The following NRXN1 variants were observed in gnomAD, a reference collection of about 807,000 sequenced individuals.
NRXN1 encodes the protein neurexin-1.
A neutral mutation model predicts 150.9 loss-of-function variants in NRXN1; 39 were observed. That is an observed-to-expected ratio of 0.26 (90% confidence interval 0.20 to 0.34). The LOEUF is 0.34. NRXN1 is among the 10% of genes least tolerant of loss of function. The pLI, the probability that NRXN1 is intolerant of heterozygous loss-of-function variation, is 1.00. For missense variants in NRXN1, 1,815 were observed against 1,949.9 expected (o/e 0.93, Z 1.30); for synonymous variants, 924 against 757.0 (o/e 1.22, Z -3.62).
chr2:50,175,016 CT>C (rs1408259817), intron 18 of NRXN1: 1 of 152,136 alleles, frequency 6.6e-6, no homozygotes, highest in African/African-American at 2.4e-5. Flanking sequence ...AGATTATTGC[CT>C]TCAAATTATA....
chr2:50,322,587 A>G (rs2076121503), intron 17 of NRXN1, among the ~76,000 whole-genome samples: 2 of 152,202 alleles, frequency 1.3e-5, no homozygotes, highest in Admixed American at 1.3e-4. Context: ...TTGGCTAACT[A>G]ATGAGGATGA....
At chr2:50,577,332 A>G (rs542038320) in intron 8 of NRXN1, among the ~76,000 whole-genome samples, 1 of 152,198 alleles carries the variant, frequency 6.6e-6, no homozygotes, top group South Asian at 2.1e-4. Flanking sequence ...CAACTGTAAT[A>G]GATAAATGTT....
intron 17 of NRXN1, among the ~76,000 whole-genome samples, chr2:50,362,695 T>C (rs190115329): frequency 1.1e-4 from 16 of 152,306 alleles, no homozygotes; most frequent in African/African-American, 3.4e-4. Flanking sequence ...TTTAATGTTT[T>C]TCCCATCAAG....
intron 17 of NRXN1, among the ~76,000 whole-genome samples, chr2:50,319,043 A>T (rs755997140): frequency 2.0e-5 from 3 of 152,144 alleles, no homozygotes; most frequent in Non-Finnish European, 4.4e-5. Flanking sequence ...TTTTCTTTTA[A>T]ACTAAATGTT....
chr2:50,554,883 G>C (rs990095760), intron 8 of NRXN1, among the ~76,000 whole-genome samples: 24 of 152,024 alleles, frequency 1.6e-4, no homozygotes, highest in Admixed American at 1.5e-3. Context: ...GGTTTAACAA[G>C]CATCTATTGA....
At chr2:50,435,377 A>G (rs971111516) in intron 17 of NRXN1, among the ~76,000 whole-genome samples, 1 of 152,236 alleles carries the variant, frequency 6.6e-6, no homozygotes, top group African/African-American at 2.4e-5. Flanking sequence ...AGAAACTTTG[A>G]AAGATGACAT....
chr2:49,987,528 G>T (rs1681136991), intron 21 of NRXN1, among the ~76,000 whole-genome samples: 1 of 152,090 alleles, frequency 6.6e-6, no homozygotes, highest in Admixed American at 6.5e-5. Flanking sequence ...TCACTTTACA[G>T]CATGTGGTAA....
intron 5 of NRXN1, among the ~76,000 whole-genome samples, chr2:50,700,409 G>A (rs1051492736): frequency 2.6e-5 from 4 of 151,986 alleles, no homozygotes; most frequent in Non-Finnish European, 2.9e-5. Flanking sequence ...GACAAGATAT[G>A]GTGTAAATGG....
intron 5 of NRXN1, among the ~76,000 whole-genome samples, chr2:50,826,478 T>G (rs1369445095): frequency 6.6e-6 from 1 of 152,156 alleles, no homozygotes; most frequent in South Asian, 2.1e-4. Context: ...TCTAGCCATC[T>G]TGCTACTAGA....
chr2:49,960,153 A>G (rs538114655), intron 21 of NRXN1, among the ~76,000 whole-genome samples: 1 of 152,276 alleles, frequency 6.6e-6, no homozygotes, highest in East Asian at 1.9e-4. Flanking sequence ...TGCCATGGCA[A>G]TGGTTTGCAA....
At chr2:50,666,688 A>G (rs138833686) in intron 5 of NRXN1, among the ~76,000 whole-genome samples, 19 of 152,062 alleles carry the variant, frequency 1.2e-4, no homozygotes, top group African/African-American at 3.8e-4. Context: ...CTGAAGTTCC[A>G]TCATTCAGAA....
At chr2:50,797,150 A>G (rs1411428442) in intron 5 of NRXN1, among the ~76,000 whole-genome samples, 1 of 152,218 alleles carries the variant, frequency 6.6e-6, no homozygotes, top group Admixed American at 6.5e-5. Flanking sequence ...ATTTTGGAAC[A>G]ATATTCAGAT....
intron 5 of NRXN1, among the ~76,000 whole-genome samples, chr2:50,824,027 G>T (rs1670096765): frequency 1.3e-5 from 2 of 152,068 alleles, no homozygotes; most frequent in Non-Finnish European, 2.9e-5. Context: ...GAAACAATGT[G>T]GTCAGGCTTT....
chr2:50,136,217 C>T (rs1302407650), intron 18 of NRXN1, among the ~76,000 whole-genome samples: 1 of 151,848 alleles, frequency 6.6e-6, no homozygotes, highest in African/African-American at 2.4e-5. Context: ...CATTTTTTTT[C>T]AGGAAGTAGT....
chr2:50,239,684 ATATATATAT>A (rs2152883988), intron 17 of NRXN1, among the ~76,000 whole-genome samples: 2 of 94,586 alleles, frequency 2.1e-5, no homozygotes, highest in South Asian at 5.9e-4. Flanking sequence ...ATATATATAT[ATATATATAT>A]ATATATATAT....
intron 18 of NRXN1, among the ~76,000 whole-genome samples, chr2:50,153,462 C>T (rs2058818336): frequency 6.6e-6 from 1 of 151,378 alleles, no homozygotes; most frequent in African/African-American, 2.4e-5. Flanking sequence ...CAGATTACCT[C>T]CCTTCCTAAG....
chr2:50,378,539 G>A (rs900161615), intron 17 of NRXN1, among the ~76,000 whole-genome samples: 1 of 152,106 alleles, frequency 6.6e-6, no homozygotes, highest in Admixed American at 6.6e-5. Flanking sequence ...ACCAGCTGCT[G>A]TCCAGCATCT....
At chr2:50,708,519 T>C (rs1024628019) in intron 5 of NRXN1, among the ~76,000 whole-genome samples, 1 of 152,146 alleles carries the variant, frequency 6.6e-6, no homozygotes, top group African/African-American at 2.4e-5. Flanking sequence ...TTAAAGTACC[T>C]GGTAAAAGGC....
At chr2:50,137,696 C>T (rs1706632696) in intron 18 of NRXN1, among the ~76,000 whole-genome samples, 1 of 152,058 alleles carries the variant, frequency 6.6e-6, no homozygotes, top group African/African-American at 2.4e-5. Context: ...AGCCTGCCTG[C>T]CGCTCATAAA....
Sources: allele counts gnomAD v4.1 joint callset (sites outside exome capture counted in the v4.1 genomes callset), GRCh38; gene constraint gnomAD v4.1.1; transcripts MANE v1.5; gene names NCBI Gene and HGNC (gene_info 2026-07-23, HGNC 2026-07-21).